PDE4B: variants seen among roughly 807,000 people sequenced by gnomAD.
PDE4B encodes 3',5'-cyclic-AMP phosphodiesterase 4B.
In PDE4B, 20 loss-of-function variants were observed where a neutral mutation model predicts 82.2. The ratio of observed to expected loss-of-function variants is 0.24; its 90% CI spans 0.17 to 0.35. The LOEUF is 0.35. Among genes scored for constraint, PDE4B ranks in the 10% least tolerant of loss-of-function variants. PDE4B has a pLI of 1.00. For synonymous variants in PDE4B, 320 were observed against 318.9 expected (o/e 1.00, Z -0.04); for missense variants, 655 against 907.2 (o/e 0.72, Z 3.57).
At chr1:65,806,375 T>G (rs1256973799) in intron 1 of PDE4B, among the ~76,000 whole-genome samples, 1 of 152,214 alleles carries the variant, frequency 6.6e-6, no homozygotes, top group African/African-American at 2.4e-5. Context: ...AACAGTGTTT[T>G]CTAATCACTT....
At chr1:66,337,347 A>G (rs1172640757) in intron 8 of PDE4B, among the ~76,000 whole-genome samples, 1 of 152,172 alleles carries the variant, frequency 6.6e-6, no homozygotes, top group Non-Finnish European at 1.5e-5. Context: ...TACATTTTGC[A>G]TCTGCTGGAC....
At chr1:66,091,651 G>C (rs1450236350) in intron 3 of PDE4B, among the ~76,000 whole-genome samples, 1 of 152,008 alleles carries the variant, frequency 6.6e-6, no homozygotes, top group African/African-American at 2.4e-5. Context: ...AATTACATGA[G>C]AGGTCATTTA....
chr1:66,313,903 C>A (rs567448089), intron 7 of PDE4B, among the ~76,000 whole-genome samples: 1 of 152,262 alleles, frequency 6.6e-6, no homozygotes, highest in East Asian at 1.9e-4. Context: ...ATCCTTGCAA[C>A]CACGTGGGAG....
intron 12 of PDE4B, among the ~76,000 whole-genome samples, chr1:66,365,005 T>C (rs1322524883): frequency 6.6e-6 from 1 of 152,142 alleles, no homozygotes. Context: ...ACCTTATTAA[T>C]ACTAGGTTTG....
At chr1:66,304,737 G>A (rs1001327459) in intron 7 of PDE4B, among the ~76,000 whole-genome samples, 37 of 152,096 alleles carry the variant, frequency 2.4e-4, no homozygotes, top group African/African-American at 8.2e-4. Flanking sequence ...GGGGAAAGCA[G>A]GGACATACAG....
Position 66,266,292 on chromosome 1 carries a change from C to T in PDE4B, c.634+205C>T, listed in dbSNP as rs187965082. 2.7e-5 allele frequency: 16 copies of T among 586,628 alleles called. No individual in the cohort carries two copies. The Admixed American group carries it at 3.4e-4, about 12-fold the overall frequency. The allele number at this position is 586,628 out of a possible 1,614,324, so 36.3% of individuals were successfully genotyped here. ...ATTAAAAGCAGTACTAAATAATTTG[C>T]CCATTGTATGTGCAGGCTTTCAGAA... On this transcript the variant is annotated intron_variant, in intron 7 of 16. Coordinates refer to ENST00000341517, the MANE Select transcript of PDE4B (RefSeq NM_002600.4).
intron 7 of PDE4B, among the ~76,000 whole-genome samples, chr1:66,286,661 A>G (rs1190360956): frequency 1.3e-5 from 2 of 152,134 alleles, no homozygotes; most frequent in Non-Finnish European, 1.5e-5. Flanking sequence ...CAGTTTGCCT[A>G]TTTTGGCAAC....
At chr1:66,076,418 A>T (rs1418280149) in intron 3 of PDE4B, among the ~76,000 whole-genome samples, 1 of 152,126 alleles carries the variant, frequency 6.6e-6, no homozygotes, top group Non-Finnish European at 1.5e-5. Flanking sequence ...TCTTTATATA[A>T]TCCAGAGTTG....
chr1:66,116,280 T>G (rs1645592154), intron 3 of PDE4B, among the ~76,000 whole-genome samples: 1 of 152,188 alleles, frequency 6.6e-6, no homozygotes, highest in African/African-American at 2.4e-5. Context: ...CTTGATTGTC[T>G]GTTTATATTT....
At chr1:66,271,718 A>G (rs1010002931) in intron 7 of PDE4B, among the ~76,000 whole-genome samples, 8 of 152,328 alleles carry the variant, frequency 5.3e-5, no homozygotes, top group African/African-American at 1.9e-4. Flanking sequence ...TGTGTGCAAA[A>G]GCATCTCCTG....
intron 3 of PDE4B, among the ~76,000 whole-genome samples, chr1:65,984,495 A>C (rs1164613854): frequency 1.3e-5 from 2 of 152,206 alleles, no homozygotes; most frequent in Non-Finnish European, 2.9e-5. Context: ...TAAAAAGTAA[A>C]ACAAAAGAGA....
At chr1:66,049,911 C>T (rs578011631) in intron 3 of PDE4B, among the ~76,000 whole-genome samples, 5 of 152,102 alleles carry the variant, frequency 3.3e-5, no homozygotes, top group Non-Finnish European at 5.9e-5. Flanking sequence ...AATGTATTTA[C>T]GTTTCCCACA....
chr1:65,810,875 A>G (rs1300927244), intron 1 of PDE4B, among the ~76,000 whole-genome samples: 1 of 152,134 alleles, frequency 6.6e-6, no homozygotes, highest in East Asian at 1.9e-4. Flanking sequence ...AGGATCTACT[A>G]CTAAATGCCT....
At chr1:66,071,433 T>G (rs1656151707) in intron 3 of PDE4B, among the ~76,000 whole-genome samples, 1 of 152,110 alleles carries the variant, frequency 6.6e-6, no homozygotes, top group Non-Finnish European at 1.5e-5. Context: ...GCTATAAATT[T>G]GTAGGATTCA....
rs138412622 is a variant in PDE4B at position 66,148,460 on chromosome 1, C to T, written c.282-99000C>T. Reference sequence around the variant, plus strand: ...CACAATAATGTCCATGTCTTACTTTCTATAGTTTGTTGTTTTTTAAACATC... The same window carrying T: ...CACAATAATGTCCATGTCTTACTTTTTATAGTTTGTTGTTTTTTAAACATC... On this transcript the variant is annotated intron_variant, in intron 3 of 16. Coordinates refer to ENST00000341517, the MANE Select transcript of PDE4B (RefSeq NM_002600.4). 2.6e-3 allele frequency among the ~76,000 whole-genome samples: 390 copies of T among 152,076 alleles called. 3 individuals are homozygous for T. The highest frequency in any genetic ancestry group is 9.0e-3 in the African/African-American group (372 of 41,474).
At chr1:66,267,540 A>C (rs1655145318) in intron 7 of PDE4B, 1 of 152,208 alleles carries the variant, frequency 6.6e-6, no homozygotes, top group Non-Finnish European at 1.5e-5. Context: ...TGGTTCTATA[A>C]ATTAGCTCAT....
chr1:66,181,931 A>AG (rs1275123013), intron 3 of PDE4B, among the ~76,000 whole-genome samples: 4 of 152,236 alleles, frequency 2.6e-5, no homozygotes, highest in South Asian at 2.1e-4. Flanking sequence ...AAAAAAATAG[A>AG]GGGAAAAAAA....
intron 7 of PDE4B, among the ~76,000 whole-genome samples, chr1:66,290,043 AGG>A (rs1243040668): frequency 6.6e-6 from 1 of 152,192 alleles, no homozygotes; most frequent in Non-Finnish European, 1.5e-5. Flanking sequence ...ATGTTAAAAG[AGG>A]GAACATTGAA....
intron 1 of PDE4B, among the ~76,000 whole-genome samples, chr1:65,887,943 T>C (rs184892565): frequency 6.6e-6 from 1 of 152,310 alleles, no homozygotes; most frequent in East Asian, 1.9e-4. Flanking sequence ...GAAGACACTT[T>C]TAAATTTACT....
Sources: allele counts gnomAD v4.1 joint callset (sites outside exome capture counted in the v4.1 genomes callset), GRCh38; gene constraint gnomAD v4.1.1; transcripts MANE v1.5; gene names NCBI Gene and HGNC (gene_info 2026-07-23, HGNC 2026-07-21).